ARL5A: variants seen among roughly 807,000 people sequenced by gnomAD.
ARL5A encodes ADP-ribosylation factor-like protein 5A.
A neutral mutation model predicts 25.9 loss-of-function variants in ARL5A; 18 were observed. That is an observed-to-expected ratio of 0.69 (90% confidence interval 0.48 to 1.03). The LOEUF (loss-of-function observed/expected upper bound fraction) is 1.03, where lower values mean the gene tolerates loss of function less well. Ranked by LOEUF, ARL5A falls within the 50% of genes least tolerant of loss-of-function variation. The probability of loss-of-function intolerance (pLI) is 0.00; values close to 1 mark genes in which losing one functional copy is unlikely to be tolerated. For synonymous variants in ARL5A, 61 were observed against 67.5 expected (o/e 0.90, Z 0.47); for missense variants, 170 against 211.9 (o/e 0.80, Z 1.23).
intron 1 of ARL5A, among the ~76,000 whole-genome samples, chr2:151,819,741 C>T (rs112222161): frequency 0.041 from 5,992 of 146,810 alleles, 165 homozygotes; most frequent in Middle Eastern, 0.066. Flanking sequence ...ACTAGCTAGG[C>T]AAAAACTACT....
chr2:151,813,626 A>G (rs1457208624), intron 3 of ARL5A, among the ~76,000 whole-genome samples: 1 of 152,168 alleles, frequency 6.6e-6, no homozygotes, highest in Non-Finnish European at 1.5e-5. Flanking sequence ...TACAAAAACA[A>G]CGGTCAGTCT....
chr2:151,803,914 G>A (rs2099829755), intron 5 of ARL5A, among the ~76,000 whole-genome samples: 1 of 151,724 alleles, frequency 6.6e-6, no homozygotes. Context: ...ATACAAAACT[G>A]TTCATTAAAG....
intron 1 of ARL5A, among the ~76,000 whole-genome samples, chr2:151,823,680 T>G (rs1416707260): frequency 4.6e-5 from 7 of 152,176 alleles, no homozygotes; most frequent in Non-Finnish European, 1.0e-4. Flanking sequence ...AGGGCACAGA[T>G]AGTGGCTCAC....
At position 151,814,319 on chromosome 2, in the gene ARL5A, G is replaced by T. The variant is rs752713743; in HGVS notation, c.108-3C>A. On this transcript the variant is annotated splice_region_variant and splice_polypyrimidine_tract_variant and intron_variant, in intron 2 of 5. Transcript: ENST00000295087. ...TATGTACAACTTCATTCATAGAACTGGGGAAAAAAGTTTATATACATTACA... is the reference window on the plus strand; with the variant it reads ...TATGTACAACTTCATTCATAGAACTTGGGAAAAAAGTTTATATACATTACA... 2.6e-6 allele frequency: 4 copies of T among 1,520,664 alleles called. No homozygotes were observed. Among genetic ancestry groups the T allele is most frequent in the Non-Finnish European group, 2.6e-6 (3 of 1,138,570 alleles). The allele number at this position is 1,520,664 out of a possible 1,614,324, so 94.2% of individuals were successfully genotyped here.
chr2:151,813,434 T>A (rs1049409755), intron 3 of ARL5A, among the ~76,000 whole-genome samples: 1 of 152,214 alleles, frequency 6.6e-6, no homozygotes, highest in African/African-American at 2.4e-5. Context: ...CTATAGCATA[T>A]GTATACAGTA....
At chr2:151,807,858 T>C (rs1478878327) in intron 4 of ARL5A, among the ~76,000 whole-genome samples, 1 of 152,200 alleles carries the variant, frequency 6.6e-6, no homozygotes, top group African/African-American at 2.4e-5. Context: ...GAGTATCTGA[T>C]CTGAGCAAGA....
intron 1 of ARL5A, among the ~76,000 whole-genome samples, chr2:151,819,138 A>G (rs1433988971): frequency 1.3e-5 from 2 of 152,220 alleles, no homozygotes; most frequent in African/African-American, 4.8e-5. Flanking sequence ...AACAATAAAG[A>G]ATGACTAAAA....
chr2:151,818,352 C>T (rs578237081), intron 1 of ARL5A, among the ~76,000 whole-genome samples: 88 of 152,238 alleles, frequency 5.8e-4, no homozygotes, highest in African/African-American at 2.1e-3. Context: ...AATCACGGCT[C>T]ACTGTTGCCT....
At chr2:151,805,675 T>C (rs578085840) in intron 5 of ARL5A, among the ~76,000 whole-genome samples, 4 of 152,278 alleles carry the variant, frequency 2.6e-5, no homozygotes, top group African/African-American at 7.2e-5. Context: ...CATGTTACTG[T>C]ACTAAATTCT....
At chr2:151,812,322 T>C in intron 4 of ARL5A, 35 bp downstream of exon 4, 1 of 1,404,892 alleles carries the variant, frequency 7.1e-7, no homozygotes, top group Non-Finnish European at 9.8e-7. Flanking sequence ...CCCATACCCT[T>C]CCCCATATCT....
At chr2:151,823,514 A>G (rs561214744) in intron 1 of ARL5A, among the ~76,000 whole-genome samples, 1 of 152,290 alleles carries the variant, frequency 6.6e-6, no homozygotes, top group South Asian at 2.1e-4. Context: ...TTGAACTTGG[A>G]AAGTTCAACA....
rs759432343 is a variant in ARL5A at position 151,801,791 on chromosome 2, T to TC, written c.*1484dup. 37 of 152,220 alleles carry TC rather than the reference T, an allele frequency of 2.4e-4. No individual in the cohort carries two copies. The Middle Eastern group carries it at 0.014, about 56-fold the overall frequency. The allele number at this position is 152,220 out of a possible 1,614,324, so 9.4% of individuals were successfully genotyped here. On this transcript the variant is annotated 3_prime_UTR_variant, in exon 6 of 6. Coordinates refer to ENST00000295087, the MANE Select transcript of ARL5A (RefSeq NM_012097.4). ...GCTGATATTGAAGGTAGTTTTTTTT[T>TC]CTCAAATATGCTAAAACATGTGAGT...
intron 1 of ARL5A, among the ~76,000 whole-genome samples, chr2:151,819,484 GAAGA>G (rs1374535697): frequency 6.6e-6 from 1 of 152,106 alleles, no homozygotes; most frequent in Non-Finnish European, 1.5e-5. Flanking sequence ...AGTGAAATAT[GAAGA>G]ATTATTTAAA....
Position 151,828,191 on chromosome 2 carries a change from C to CCG in ARL5A, c.-16_-15insCG. 1.5e-6 allele frequency: 2 copies of CCG among 1,370,582 alleles called. No homozygotes were observed. The highest frequency in any genetic ancestry group is 1.9e-6 in the Non-Finnish European group (2 of 1,042,480). The allele number at this position is 1,370,582 out of a possible 1,614,324, so 84.9% of individuals were successfully genotyped here. A position where few individuals can be genotyped will look rare whatever the true frequency, so the allele number is the denominator to read the frequency against. On this transcript the variant is annotated 5_prime_UTR_variant, in exon 1 of 6. Coordinates refer to ENST00000295087, the MANE Select transcript of ARL5A (RefSeq NM_012097.4). The stretch of plus-strand genomic sequence containing the variant: ...AGAATTCCCATTCTCGGGCAGCGGA[C>CCG]CCCCCCCCTCCAGACACCCGGGCCG...
rs920044101 is a variant in ARL5A, at chr2:151,828,418, C to T, written c.-242G>A. The T allele has an allele frequency of 5.4e-6, 2 of 368,322 alleles. No individual in the cohort carries two copies. The highest frequency in any genetic ancestry group is 4.3e-5 in the African/African-American group (2 of 46,614). The allele number at this position is 368,322 out of a possible 1,614,324, so 22.8% of individuals were successfully genotyped here. A position where few individuals can be genotyped will look rare whatever the true frequency, so the allele number is the denominator to read the frequency against. On this transcript the variant is annotated 5_prime_UTR_variant, in exon 1 of 6. Transcript: ENST00000295087. ...CTCGCGGACATCGCCGCCGCGTTGT[C>T]TGCGACGAGCCTCGCGGGCCACCGT...
At chr2:151,826,945 T>C (rs10190733) in intron 1 of ARL5A, among the ~76,000 whole-genome samples, 14,600 of 152,210 alleles carry the variant, frequency 0.096, 909 homozygotes, top group African/African-American at 0.18. Context: ...TGTGTGTGTG[T>C]GCGTAAAAGA....
intron 1 of ARL5A, among the ~76,000 whole-genome samples, chr2:151,822,930 A>C (rs1286114905): frequency 2.0e-5 from 3 of 152,228 alleles, no homozygotes; most frequent in Non-Finnish European, 4.4e-5. Flanking sequence ...ATTCATTGCC[A>C]GTTTTTAAAA....
rs536812334 is a variant in ARL5A at position 151,801,769 on chromosome 2, G to A, written c.*1507C>T. 13 of 152,100 alleles carry A rather than the reference G, an allele frequency of 8.5e-5. No individual in the cohort carries two copies. In the South Asian group the frequency reaches 2.7e-3, roughly 32 times the overall value. 9.4% of individuals were successfully genotyped at this position (152,100 alleles called of 1,614,324 possible). On this transcript the variant is annotated 3_prime_UTR_variant, in exon 6 of 6. Coordinates refer to ENST00000295087, the MANE Select transcript of ARL5A (RefSeq NM_012097.4). ...AAATCTTCATGAAATTTAAAAGGCT[G>A]ATATTGAAGGTAGTTTTTTTTTCTC...
chr2:151,824,686 C>T (rs12996186), intron 1 of ARL5A, among the ~76,000 whole-genome samples: 5,479 of 150,586 alleles, frequency 0.036, 150 homozygotes, highest in Non-Finnish European at 0.052. Context: ...TCAGTCAGTT[C>T]TTTTTATCTG....
Sources: gnomAD v4.1 joint callset for allele counts (sites outside exome capture counted in the v4.1 genomes callset) on GRCh38, gnomAD v4.1.1 for gene constraint, MANE v1.5 for transcripts, NCBI Gene and HGNC (gene_info 2026-07-23, HGNC 2026-07-21) for gene names.